Variants in MGAT4C observed in about 807,000 individuals in gnomAD.
MGAT4C encodes the protein MGAT4 family member C, also known as alpha-1,3-mannosyl-glycoprotein 4-beta-N-acetylglucosaminyltransferase C.
Under a neutral mutation model 40.1 loss-of-function variants are expected in MGAT4C, and 19 were observed. That is an observed-to-expected ratio of 0.47 (90% CI 0.33 to 0.70). The LOEUF (loss-of-function observed/expected upper bound fraction) is 0.70, where lower values mean the gene tolerates loss of function less well. Among genes scored for constraint, MGAT4C ranks in the 30% least tolerant of loss-of-function variants. The pLI is 0.02. For missense variants in MGAT4C, 491 were observed against 563.2 expected (o/e 0.87, Z 1.30); for synonymous variants, 181 against 187.1 (o/e 0.97, Z 0.27).
intron 1 of MGAT4C, among the ~76,000 whole-genome samples, chr12:86,174,182 C>A (rs1047890782): frequency 6.6e-6 from 1 of 150,756 alleles, no homozygotes; most frequent in African/African-American, 2.4e-5. Flanking sequence ...GAATTAAATG[C>A]ATCTTCATTT....
chr12:86,788,164 T>A (rs1454483931), intron 1 of MGAT4C, among the ~76,000 whole-genome samples: 1 of 151,160 alleles, frequency 6.6e-6, no homozygotes, highest in East Asian at 1.9e-4. Flanking sequence ...TATACACATA[T>A]ATATGTATTA....
intron 2 of MGAT4C, among the ~76,000 whole-genome samples, chr12:86,511,630 G>C (rs1450812620): frequency 6.6e-6 from 1 of 152,012 alleles, no homozygotes; most frequent in Non-Finnish European, 1.5e-5. Flanking sequence ...TTGATCGGGG[G>C]CTAAGAATAT....
chr12:86,440,230 C>T (rs1321337868), intron 2 of MGAT4C, among the ~76,000 whole-genome samples: 1 of 151,992 alleles, frequency 6.6e-6, no homozygotes, highest in Admixed American at 6.6e-5. Flanking sequence ...AAATCCTCAA[C>T]AAAATATTAG....
chr12:86,534,886 C>T lies in MGAT4C; in HGVS notation c.-228-99621G>A, dbSNP rs1592960490. On this transcript the variant is annotated intron_variant, in intron 2 of 7. Coordinates refer to the MGAT4C transcript ENST00000548651. ...TTGCAAATAAATAAAGCAAGGCCTC[C>T]CTGACTCCTAGACTGAAATACACCT... 2.6e-5 allele frequency among the ~76,000 whole-genome samples: 4 copies of T among 152,180 alleles called. No homozygotes were observed. The South Asian group carries it at 8.3e-4, about 32-fold the overall frequency.
chr12:86,190,767 A>T (rs1889304552), intron 1 of MGAT4C, among the ~76,000 whole-genome samples: 1 of 152,126 alleles, frequency 6.6e-6, no homozygotes. Flanking sequence ...GATATTTTGT[A>T]GATAGGACTA....
chr12:86,574,787 T>TA, intron 2 of MGAT4C, among the ~76,000 whole-genome samples: 1 of 151,916 alleles, frequency 6.6e-6, no homozygotes, highest in Non-Finnish European at 1.5e-5. Flanking sequence ...CCTACTATAA[T>TA]ATTTTTATTA....
intron 4 of MGAT4C, among the ~76,000 whole-genome samples, chr12:86,287,872 G>A (rs1953395502): frequency 2.6e-5 from 4 of 152,146 alleles, no homozygotes; most frequent in Admixed American, 1.3e-4. Context: ...CCCAGTAATG[G>A]GATTGCTGAG....
intron 2 of MGAT4C, among the ~76,000 whole-genome samples, chr12:86,723,255 G>T (rs907571054): frequency 3.9e-5 from 6 of 152,142 alleles, no homozygotes; most frequent in African/African-American, 1.4e-4. Context: ...CTAAGCCACT[G>T]TGGATGTTAT....
intron 2 of MGAT4C, among the ~76,000 whole-genome samples, chr12:86,663,879 G>A (rs1231119399): frequency 6.6e-6 from 1 of 152,144 alleles, no homozygotes; most frequent in Non-Finnish European, 1.5e-5. Context: ...ATGCTTGTGG[G>A]CAAAGAATTC....
At chr12:86,463,759 A>C (rs984101468) in intron 2 of MGAT4C, among the ~76,000 whole-genome samples, 3 of 152,096 alleles carry the variant, frequency 2.0e-5, no homozygotes, top group African/African-American at 7.2e-5. Flanking sequence ...AGTAGAGATA[A>C]CTCTAATATA....
intron 1 of MGAT4C, among the ~76,000 whole-genome samples, chr12:86,235,420 A>C (rs1360626788): frequency 6.6e-6 from 1 of 152,074 alleles, no homozygotes; most frequent in Admixed American, 6.6e-5. Context: ...CTCTCCAGTG[A>C]CTTCCTCCTT....
At chr12:86,729,688 G>A (rs905945453) in intron 1 of MGAT4C, among the ~76,000 whole-genome samples, 4 of 151,874 alleles carry the variant, frequency 2.6e-5, no homozygotes, top group Non-Finnish European at 5.9e-5. Context: ...GTATTAAAAG[G>A]ATGATATGCA....
chr12:86,307,840 C>T (rs1397048801), intron 4 of MGAT4C, among the ~76,000 whole-genome samples: 4 of 149,386 alleles, frequency 2.7e-5, no homozygotes, highest in Non-Finnish European at 5.9e-5. Flanking sequence ...GCTGCTGGGA[C>T]TACAGGCGCC....
intron 2 of MGAT4C, among the ~76,000 whole-genome samples, chr12:86,445,971 G>A (rs561751959): frequency 6.6e-6 from 1 of 152,064 alleles, no homozygotes; most frequent in South Asian, 2.1e-4. Context: ...ATTAATTATA[G>A]ACATGCATTC....
intron 3 of MGAT4C, among the ~76,000 whole-genome samples, chr12:86,341,582 C>T (rs185258692): frequency 6.6e-5 from 10 of 152,312 alleles, no homozygotes; most frequent in Admixed American, 6.5e-4. Context: ...CAATCAGCTA[C>T]CAGTAGCAGC....
At chr12:86,624,417 G>T (rs983448273) in intron 2 of MGAT4C, among the ~76,000 whole-genome samples, 2 of 152,100 alleles carry the variant, frequency 1.3e-5, no homozygotes, top group East Asian at 1.9e-4. Flanking sequence ...TTGAAAACTT[G>T]CCCCAACATA....
At chr12:86,747,768 G>A (rs542079406) in intron 1 of MGAT4C, among the ~76,000 whole-genome samples, 3 of 151,484 alleles carry the variant, frequency 2.0e-5, no homozygotes, top group Admixed American at 2.0e-4. Flanking sequence ...TAGCTGGAAG[G>A]AAATTTTTTT....
intron 1 of MGAT4C, among the ~76,000 whole-genome samples, chr12:86,827,065 T>C (rs1418523043): frequency 6.6e-6 from 1 of 151,400 alleles, no homozygotes; most frequent in African/African-American, 2.4e-5. Flanking sequence ...TTGAATGATA[T>C]CACTTAGAGG....
chr12:86,410,371 C>T (rs561215377), intron 3 of MGAT4C, among the ~76,000 whole-genome samples: 11 of 152,134 alleles, frequency 7.2e-5, no homozygotes, highest in African/African-American at 1.4e-4. Context: ...GCATTCCTTC[C>T]GCAGGGTATT....
Sources: gnomAD v4.1 joint callset for allele counts (sites outside exome capture counted in the v4.1 genomes callset) on GRCh38, gnomAD v4.1.1 for gene constraint, MANE v1.5 for transcripts, NCBI Gene and HGNC (gene_info 2026-07-23, HGNC 2026-07-21) for gene names.